The following FANCL variants were observed in gnomAD, a reference collection of about 807,000 sequenced individuals.
The protein encoded by FANCL is FA complementation group L, also known as E3 ubiquitin-protein ligase FANCL.
A neutral mutation model predicts 59.4 loss-of-function variants in FANCL; 69 were observed. The ratio of observed to expected loss-of-function variants is 1.16; its 90% confidence interval spans 0.96 to 1.42. The LOEUF (loss-of-function observed/expected upper bound fraction) is 1.42, where lower values mean the gene tolerates loss of function less well. Among genes scored for constraint, FANCL ranks in the 40% most tolerant of loss-of-function variants. The probability of loss-of-function intolerance (pLI) is 0.00; values close to 1 mark genes in which losing one functional copy is unlikely to be tolerated. For synonymous variants in FANCL, 180 were observed against 147.1 expected (o/e 1.22, Z -1.62); for missense variants, 519 against 447.2 (o/e 1.16, Z -1.45).
intron 12 of FANCL, 73 bp downstream of exon 12, chr2:58,161,449 G>C: frequency 2.1e-6 from 2 of 950,414 alleles, no homozygotes; most frequent in Non-Finnish European, 3.5e-6. Context: ...TTTAGATTCT[G>C]TGTATTTCAA....
Position 58,165,821 on chromosome 2 carries a change from CT to C in FANCL, c.593del (p.Lys198ArgfsTer33), listed in dbSNP as rs1685881693. On this transcript the variant is annotated frameshift_variant, in exon 8 of 14. Transcript: ENST00000233741. LOFTEE classifies it high-confidence loss of function. ...SQFLAAIESL[K>X]AFWDVMDEID... Reference sequence around the variant, plus strand: ...TTTCATCCATAACATCCCAGAATGCCTTTAGTGATTCTATTGCTGCCAAAAA... The same window carrying C: ...TTTCATCCATAACATCCCAGAATGCCTTAGTGATTCTATTGCTGCCAAAAA... 1 of 1,614,028 alleles carries C rather than the reference CT, an allele frequency of 6.2e-7. No homozygotes were observed. The highest frequency in any genetic ancestry group is 1.1e-5 in the South Asian group (1 of 91,076).
chr2:58,160,016 A>C, intron 13 of FANCL, 92 bp downstream of exon 13: 4 of 1,576,222 alleles, frequency 2.5e-6, no homozygotes, highest in Non-Finnish European at 3.4e-6. Flanking sequence ...CAAAAGTTTT[A>C]GATAAACTGA....
intron 1 of FANCL, among the ~76,000 whole-genome samples, chr2:58,240,161 T>C (rs996440704): frequency 5.3e-5 from 8 of 152,004 alleles, no homozygotes; most frequent in Non-Finnish European, 1.0e-4. Flanking sequence ...TTCTAAATGT[T>C]GTCTACAAGA....
intron 5 of FANCL, among the ~76,000 whole-genome samples, chr2:58,218,837 C>T (rs377541119): frequency 7.7e-4 from 117 of 151,874 alleles, no homozygotes; most frequent in Non-Finnish European, 1.4e-3. Context: ...TGGTAATGGA[C>T]TGGAGTTGTA....
Position 58,162,961 on chromosome 2 carries a change from GA to G in FANCL, c.822-15del. On this transcript the variant is annotated splice_polypyrimidine_tract_variant and intron_variant, in intron 10 of 13. Coordinates refer to ENST00000233741, the MANE Select transcript of FANCL (RefSeq NM_018062.4). The stretch of plus-strand genomic sequence containing the variant: ...TTTTCTGGATCCCTGAAAGCATGGG[GA>G]AAAAAATTATGCTGTGAACTTTGTA... 1 of 1,612,180 alleles carries G rather than the reference GA, an allele frequency of 6.2e-7. No homozygotes were observed. The highest frequency in any genetic ancestry group is 8.5e-7 in the Non-Finnish European group (1 of 1,178,764).
intron 7 of FANCL, among the ~76,000 whole-genome samples, chr2:58,181,212 T>G (rs1238674184): frequency 6.6e-6 from 1 of 151,994 alleles, no homozygotes; most frequent in Non-Finnish European, 1.5e-5. Flanking sequence ...GGACTATTAC[T>G]CAGGAATAAA....
At chr2:58,214,701 G>A (rs146610750) in intron 5 of FANCL, among the ~76,000 whole-genome samples, 8 of 151,562 alleles carry the variant, frequency 5.3e-5, no homozygotes, top group African/African-American at 1.7e-4. Flanking sequence ...TTGTAGACAC[G>A]GGGTTTCACC....
chr2:58,201,281 G>A (rs1240610755), intron 6 of FANCL, among the ~76,000 whole-genome samples: 4 of 151,006 alleles, frequency 2.6e-5, no homozygotes, highest in Non-Finnish European at 5.9e-5. Flanking sequence ...TATCATATAG[G>A]AATATTAACT....
At chr2:58,221,307 G>C (rs556956012) in intron 5 of FANCL, among the ~76,000 whole-genome samples, 2 of 152,162 alleles carry the variant, frequency 1.3e-5, no homozygotes, top group African/African-American at 4.8e-5. Flanking sequence ...TCCACACTAA[G>C]AAGGAAGCTA....
At chr2:58,232,922 C>G (rs545769009) in intron 1 of FANCL, among the ~76,000 whole-genome samples, 3 of 151,990 alleles carry the variant, frequency 2.0e-5, no homozygotes, top group African/African-American at 7.2e-5. Flanking sequence ...TAATAAAATT[C>G]TCAAAAAACA....
At chr2:58,199,221 G>A (rs1202304567) in intron 6 of FANCL, among the ~76,000 whole-genome samples, 2 of 152,108 alleles carry the variant, frequency 1.3e-5, no homozygotes, top group African/African-American at 4.8e-5. Flanking sequence ...AAAAGGTAAT[G>A]AATTAAGTCA....
At chr2:58,225,906 A>C (rs529392868) in intron 4 of FANCL, among the ~76,000 whole-genome samples, 1 of 152,186 alleles carries the variant, frequency 6.6e-6, no homozygotes, top group South Asian at 2.1e-4. Flanking sequence ...AGACTTATCA[A>C]CTAAATATAA....
intron 7 of FANCL, among the ~76,000 whole-genome samples, chr2:58,192,147 T>C (rs948525494): frequency 7.9e-5 from 12 of 152,070 alleles, no homozygotes; most frequent in Admixed American, 2.0e-4. Flanking sequence ...ACCTGTTCCA[T>C]GCAACTAGTT....
chr2:58,241,007 C>A (rs536836570), intron 1 of FANCL, among the ~76,000 whole-genome samples: 5 of 152,236 alleles, frequency 3.3e-5, no homozygotes, highest in African/African-American at 1.2e-4. Context: ...CCACGCCGCG[C>A]GCCTCCTCGC....
At chr2:58,176,550 A>G (rs559531854) in intron 7 of FANCL, among the ~76,000 whole-genome samples, 45 of 152,340 alleles carry the variant, frequency 3.0e-4, no homozygotes, top group African/African-American at 1.0e-3. Context: ...TATTTAATAA[A>G]TGGTGCTGGG....
intron 3 of FANCL, among the ~76,000 whole-genome samples, chr2:58,227,639 A>G (rs1384741565): frequency 1.3e-5 from 2 of 152,030 alleles, no homozygotes; most frequent in Non-Finnish European, 2.9e-5. Flanking sequence ...CTCCACCGAT[A>G]TATTTCTCTC....
chr2:58,204,749 G>A (rs570291000), intron 5 of FANCL, among the ~76,000 whole-genome samples: 8 of 152,098 alleles, frequency 5.3e-5, no homozygotes, highest in African/African-American at 1.7e-4. Context: ...ATAAGCACAG[G>A]TACAGCCTGG....
At chr2:58,205,280 T>C (rs935657257) in intron 5 of FANCL, among the ~76,000 whole-genome samples, 6 of 152,100 alleles carry the variant, frequency 3.9e-5, no homozygotes, top group African/African-American at 1.4e-4. Flanking sequence ...TGAAAATATG[T>C]CTAAATCTGA....
intron 7 of FANCL, among the ~76,000 whole-genome samples, chr2:58,190,248 T>C (rs147533365): frequency 1.3e-5 from 2 of 152,012 alleles, no homozygotes; most frequent in Admixed American, 6.6e-5. Flanking sequence ...TGATCACCCA[T>C]CATTTAAAAA....
Sources: gnomAD v4.1 joint callset for allele counts (sites outside exome capture counted in the v4.1 genomes callset) on GRCh38, gnomAD v4.1.1 for gene constraint, MANE v1.5 for transcripts, NCBI Gene and HGNC (gene_info 2026-07-23, HGNC 2026-07-21) for gene names.